DNAJC1: variants seen among roughly 807,000 people sequenced by gnomAD.
The protein encoded by DNAJC1 is dnaJ homolog subfamily C member 1.
A neutral mutation model predicts 76.6 loss-of-function variants in DNAJC1; 58 were observed. The observed-to-expected ratio is 0.76, with a 90% CI of 0.61 to 0.94. The LOEUF (loss-of-function observed/expected upper bound fraction) is 0.94, where lower values mean the gene tolerates loss of function less well. Ranked by LOEUF, DNAJC1 falls within the 40% of genes least tolerant of loss-of-function variation. DNAJC1 has a pLI of 0.00. For missense variants in DNAJC1, 689 were observed against 677.3 expected, an observed-to-expected ratio of 1.02 and a Z score of -0.19; for synonymous variants, 258 against 267.9, an observed-to-expected ratio of 0.96 and a Z score of 0.36.
intron 1 of DNAJC1, among the ~76,000 whole-genome samples, chr10:21,960,049 T>C (rs1837761641): frequency 6.6e-6 from 1 of 152,146 alleles, no homozygotes; most frequent in African/African-American, 2.4e-5. Context: ...TTTGCCTGGA[T>C]TATTACAAAA....
At chr10:21,973,104 A>G (rs1238371483) in intron 1 of DNAJC1, among the ~76,000 whole-genome samples, 2 of 152,180 alleles carry the variant, frequency 1.3e-5, no homozygotes, top group African/African-American at 4.8e-5. Context: ...TTATATTTAC[A>G]TTACCTAAAT....
chr10:21,860,452 G>C (rs1835902644), intron 8 of DNAJC1, among the ~76,000 whole-genome samples: 1 of 152,040 alleles, frequency 6.6e-6, no homozygotes, highest in African/African-American at 2.4e-5. Context: ...CAGCACTTTG[G>C]GAGGCTAAAG....
At chr10:21,897,365 GA>G (rs1331974940) in intron 7 of DNAJC1, among the ~76,000 whole-genome samples, 2 of 151,336 alleles carry the variant, frequency 1.3e-5, no homozygotes, top group Non-Finnish European at 2.9e-5. Flanking sequence ...ATTGATAGAG[GA>G]AAAAAAACAC....
intron 1 of DNAJC1, among the ~76,000 whole-genome samples, chr10:21,934,526 G>A (rs754898505): frequency 2.4e-4 from 37 of 152,014 alleles, no homozygotes; most frequent in Non-Finnish European, 2.6e-4. Flanking sequence ...TTCCACTCCC[G>A]CAAGATGTAT....
At chr10:21,772,050 GCCT>G (rs1225984278) in intron 9 of DNAJC1, among the ~76,000 whole-genome samples, 1 of 152,086 alleles carries the variant, frequency 6.6e-6, no homozygotes, top group African/African-American at 2.4e-5. Context: ...CCCCTGCTTA[GCCT>G]CCTGAGGAGC....
At chr10:21,848,856 A>G (rs1835702486) in intron 8 of DNAJC1, among the ~76,000 whole-genome samples, 1 of 152,246 alleles carries the variant, frequency 6.6e-6, no homozygotes, top group Non-Finnish European at 1.5e-5. Flanking sequence ...AAGCATGTGG[A>G]TATTAAAACA....
At chr10:21,908,204 T>TA (rs1182013507) in intron 6 of DNAJC1, among the ~76,000 whole-genome samples, 1 of 92,948 alleles carries the variant, frequency 1.1e-5, no homozygotes, top group African/African-American at 4.6e-5. Flanking sequence ...ATTATATATA[T>TA]AAAATATATA....
intron 9 of DNAJC1, among the ~76,000 whole-genome samples, chr10:21,797,469 C>T (rs1834762165): frequency 6.6e-6 from 1 of 152,008 alleles, no homozygotes; most frequent in South Asian, 2.1e-4. Flanking sequence ...ATTGGTTTTT[C>T]TAGTTCTGTA....
rs1182908670 is a variant in DNAJC1 at position 21,756,884 on chromosome 10, G to C, written c.1597-129C>G. On this transcript the variant is annotated intron_variant, in intron 11 of 11. Coordinates refer to ENST00000376980, the MANE Select transcript of DNAJC1 (RefSeq NM_022365.4). ...CAGTCCCTCTGCCCAGAGTTCCCGG[G>C]ATGTCCTGGAGTCCAGTCGCTCACA... is the stretch of plus-strand genomic sequence containing the variant. The C allele has an allele frequency of 3.7e-6, 3 of 812,690 alleles. No individual in the cohort carries two copies. The East Asian group carries it at 7.9e-5, about 21-fold the overall frequency. 50.3% of individuals were successfully genotyped at this position (812,690 alleles called of 1,614,324 possible). A position where few individuals can be genotyped will look rare whatever the true frequency, so the allele number is the denominator to read the frequency against.
In DNAJC1 at chr10:21,929,068, T is replaced by C. The variant is rs748300786; in HGVS notation, c.296A>G (p.Asp99Gly). The change falls in exon 2 of 12, where the codon GAT becomes GGT. Residue 99 changes from aspartate to glycine, a missense_variant. Physicochemically the swap from Asp to Gly is moderately conservative, Grantham distance 94. Transcript: ENST00000376980. ...SLTLHPDKNK[D>G]ENAETQFRQL... The stretch of plus-strand genomic sequence containing the variant: ...TCTAAACTGAGTTTCTGCATTTTCA[T>C]CTTTATTCTTGTCTGGATGTAAAGT... 8 of 1,611,502 alleles carry C rather than the reference T, an allele frequency of 5.0e-6. No homozygotes were observed. The highest frequency in any genetic ancestry group is 5.9e-6 in the Non-Finnish European group (7 of 1,179,114).
intron 6 of DNAJC1, among the ~76,000 whole-genome samples, chr10:21,910,889 G>GA (rs1404146830): frequency 2.1e-5 from 3 of 145,512 alleles, no homozygotes; most frequent in African/African-American, 7.6e-5. Context: ...GAGGAGGAAG[G>GA]AAAGGAAGGA....
At chr10:21,932,922 T>C (rs1384314538) in intron 1 of DNAJC1, among the ~76,000 whole-genome samples, 2 of 152,124 alleles carry the variant, frequency 1.3e-5, no homozygotes, top group Non-Finnish European at 2.9e-5. Context: ...TATTAGCCAG[T>C]GCTGAATGGG....
At chr10:21,981,815 C>A (rs1050341608) in intron 1 of DNAJC1, among the ~76,000 whole-genome samples, 1 of 152,204 alleles carries the variant, frequency 6.6e-6, no homozygotes, top group Non-Finnish European at 1.5e-5. Flanking sequence ...ATCTTCACAG[C>A]TAGGCCTCAA....
chr10:21,768,444 G>C (rs1464902842), intron 9 of DNAJC1, among the ~76,000 whole-genome samples: 1 of 152,086 alleles, frequency 6.6e-6, no homozygotes, highest in South Asian at 2.1e-4. Flanking sequence ...ATCCTTCTCT[G>C]TTTCATATAT....
intron 8 of DNAJC1, among the ~76,000 whole-genome samples, chr10:21,827,601 C>T (rs778377626): frequency 2.0e-5 from 3 of 152,162 alleles, no homozygotes; most frequent in Non-Finnish European, 2.9e-5. Flanking sequence ...CTGCATTACT[C>T]CAACCTCTGC....
intron 8 of DNAJC1, among the ~76,000 whole-genome samples, chr10:21,864,912 C>T (rs964279020): frequency 1.4e-4 from 21 of 152,126 alleles, no homozygotes; most frequent in African/African-American, 4.8e-4. Context: ...GGCAACAGTG[C>T]TGAATGGACA....
intron 8 of DNAJC1, among the ~76,000 whole-genome samples, chr10:21,836,494 A>G (rs1835457886): frequency 6.6e-6 from 1 of 152,224 alleles, no homozygotes; most frequent in South Asian, 2.1e-4. Flanking sequence ...CCTGAAATGT[A>G]AATAGGCTAA....
chr10:22,000,031 C>T (rs1430360545), intron 1 of DNAJC1, among the ~76,000 whole-genome samples: 1 of 152,210 alleles, frequency 6.6e-6, no homozygotes, highest in African/African-American at 2.4e-5. Flanking sequence ...GTTCTCCAAA[C>T]CAGGCTCCTA....
intron 7 of DNAJC1, among the ~76,000 whole-genome samples, chr10:21,889,956 A>G: frequency 6.6e-6 from 1 of 152,166 alleles, no homozygotes; most frequent in African/African-American, 2.4e-5. Context: ...GTAATGAGGC[A>G]CCCAACCTCC....
Sources: gnomAD v4.1 joint callset for allele counts (sites outside exome capture counted in the v4.1 genomes callset) on GRCh38, gnomAD v4.1.1 for gene constraint, MANE v1.5 for transcripts, NCBI Gene and HGNC (gene_info 2026-07-23, HGNC 2026-07-21) for gene names.